Variants in NUP37 observed in about 807,000 individuals in gnomAD.
NUP37 encodes the protein nucleoporin Nup37.
Under a neutral mutation model 45.4 loss-of-function variants are expected in NUP37, and 33 were observed. The ratio of observed to expected loss-of-function variants is 0.73; its 90% CI spans 0.55 to 0.97. The LOEUF (loss-of-function observed/expected upper bound fraction) is 0.97. Among genes scored for constraint, NUP37 ranks in the 50% least tolerant of loss-of-function variants. The pLI is 0.00. For missense variants in NUP37, 365 were observed against 389.7 expected, an observed-to-expected ratio of 0.94 and a Z score of 0.53; for synonymous variants, 127 against 130.7, an observed-to-expected ratio of 0.97 and a Z score of 0.19.
At chr12:102,088,331 C>CT (rs1039914296) in intron 5 of NUP37, among the ~76,000 whole-genome samples, 6 of 151,880 alleles carry the variant, frequency 4.0e-5, no homozygotes, top group African/African-American at 1.2e-4. Flanking sequence ...GAGATAGTCA[C>CT]TTTTTTTTGG....
At position 102,099,205 on chromosome 12, in the gene NUP37, C is replaced by A. The variant is rs1879902158; in HGVS notation, c.355-5G>T. On this transcript the variant is annotated splice_polypyrimidine_tract_variant and splice_region_variant and intron_variant, in intron 4 of 9. Coordinates refer to ENST00000552283, the MANE Select transcript of NUP37 (RefSeq NM_024057.4). The stretch of plus-strand genomic sequence containing the variant: ...ATCGGTATGGCCCTCTAAAACCTGA[C>A]AGAAAGAGAAACAGAAAGCTTAGCA... The A allele has an allele frequency of 4.4e-6, 7 of 1,592,710 alleles. No individual in the cohort carries two copies. The highest frequency in any genetic ancestry group is 5.2e-6 in the Non-Finnish European group (6 of 1,160,884).
chr12:102,080,670 A>C (rs1879307621), intron 6 of NUP37, among the ~76,000 whole-genome samples: 1 of 152,160 alleles, frequency 6.6e-6, no homozygotes, highest in Admixed American at 6.5e-5. Context: ...TAACTTGTAC[A>C]AGGTATCAAC....
Position 102,099,171 on chromosome 12 carries a change from A to G in NUP37, c.384T>C (p.Asn128=). 6.2e-7 allele frequency: 1 copy of G among 1,613,624 alleles called. No homozygotes were observed. The highest frequency in any genetic ancestry group is 8.5e-7 in the Non-Finnish European group (1 of 1,179,526). ...KVLEGHTDFI[N]GLVFDPKEGQ... ...CTTCTTTGGGATCAAACACCAAACC[A>G]TTAATGAAATCGGTATGGCCCTCTA... The change falls in exon 5 of 10, where the codon AAT becomes AAC. Residue 128 remains asparagine, a synonymous_variant. Transcript: ENST00000552283.
chr12:102,080,713 A>C (rs551245350), intron 6 of NUP37, among the ~76,000 whole-genome samples: 2 of 152,212 alleles, frequency 1.3e-5, no homozygotes, highest in Non-Finnish European at 2.9e-5. Context: ...ATTTGAATCC[A>C]GGTCTGTTTA....
chr12:102,102,106 AT>A (rs969956401), intron 3 of NUP37, among the ~76,000 whole-genome samples: 1 of 152,216 alleles, frequency 6.6e-6, no homozygotes, highest in African/African-American at 2.4e-5. Flanking sequence ...TGAGAAAAAA[AT>A]TTAAATTATA....
intron 5 of NUP37, among the ~76,000 whole-genome samples, chr12:102,086,559 T>C (rs1296690617): frequency 6.6e-6 from 1 of 152,220 alleles, no homozygotes; most frequent in African/African-American, 2.4e-5. Flanking sequence ...AGGACCAGGT[T>C]ACTCACCAAC....
At chr12:102,083,219 G>A (rs1879376831) in intron 6 of NUP37, among the ~76,000 whole-genome samples, 1 of 152,174 alleles carries the variant, frequency 6.6e-6, no homozygotes, top group Admixed American at 6.5e-5. Flanking sequence ...GTTTATTGTA[G>A]TTATATATGG....
At chr12:102,101,767 C>T (rs1348174612) in intron 3 of NUP37, among the ~76,000 whole-genome samples, 1 of 152,072 alleles carries the variant, frequency 6.6e-6, no homozygotes, top group Non-Finnish European at 1.5e-5. Flanking sequence ...CTCTGTTGCC[C>T]AGGCTGGAGT....
rs1376630975 is a variant in NUP37, at chr12:102,074,351, A to T, written c.*3T>A. ...TTTGTGAATCTAAGGTACAGAAAAC[A>T]CTTTATACTTCAGTCACCCAAAACA... On this transcript the variant is annotated 3_prime_UTR_variant, in exon 10 of 10. Transcript: ENST00000552283. 6.4e-7 allele frequency: 1 copy of T among 1,572,996 alleles called. No homozygotes were observed. The highest frequency in any genetic ancestry group is 8.7e-7 in the Non-Finnish European group (1 of 1,146,540).
intron 6 of NUP37, among the ~76,000 whole-genome samples, chr12:102,079,604 G>GC (rs1879275943): frequency 6.6e-6 from 1 of 152,088 alleles, no homozygotes; most frequent in African/African-American, 2.4e-5. Context: ...CATGAACAGT[G>GC]CTATAACTCA....
At chr12:102,076,510 A>G (rs1879171779) in intron 8 of NUP37, among the ~76,000 whole-genome samples, 1 of 152,242 alleles carries the variant, frequency 6.6e-6, no homozygotes, top group Non-Finnish European at 1.5e-5. Context: ...CATCCTTAAC[A>G]GCACAGAACA....
intron 2 of NUP37, among the ~76,000 whole-genome samples, chr12:102,112,459 G>T (rs1410525010): frequency 6.6e-6 from 1 of 152,100 alleles, no homozygotes; most frequent in Non-Finnish European, 1.5e-5. Context: ...TGGTAAACAT[G>T]TTCTACTTTA....
intron 8 of NUP37, 108 bp from the exon 9 acceptor site, chr12:102,075,202 G>C (rs1381049804): frequency 1.6e-6 from 1 of 618,088 alleles, no homozygotes; most frequent in Admixed American, 3.2e-5. Flanking sequence ...AAGAGACAGG[G>C]TCTTGCTCTG....
In NUP37 at chr12:102,075,146, A is replaced by G. The variant is rs752009194; in HGVS notation, c.774-52T>C. ...AGTATCGTATCCTATGGATAATGAC[A>G]AGCTTTTCTGAAGCGGGCTTTTTCT... On this transcript the variant is annotated intron_variant, in intron 8 of 9. Transcript: ENST00000552283. The G allele has an allele frequency of 4.3e-6, 5 of 1,159,054 alleles. No individual in the cohort carries two copies. The East Asian group carries it at 1.2e-4, about 29-fold the overall frequency. 71.8% of individuals were successfully genotyped at this position (1,159,054 alleles called of 1,614,324 possible).
intron 3 of NUP37, among the ~76,000 whole-genome samples, 153 bp from the exon 4 acceptor site, chr12:102,101,257 C>G (rs776730778): frequency 5.9e-4 from 89 of 152,024 alleles, no homozygotes; most frequent in Non-Finnish European, 1.0e-3. Context: ...TGTTGTGGCT[C>G]TACTGTAAAA....
At chr12:102,074,960 A>C in intron 9 of NUP37, 41 bp downstream of exon 9, 1 of 1,308,062 alleles carries the variant, frequency 7.6e-7, no homozygotes, top group Non-Finnish European at 1.0e-6. Flanking sequence ...ACAAATTAAA[A>C]AAAAAAAAAG....
intron 3 of NUP37, among the ~76,000 whole-genome samples, chr12:102,107,316 A>G (rs1010585687): frequency 4.6e-5 from 7 of 152,216 alleles, no homozygotes; most frequent in Admixed American, 2.0e-4. Context: ...TTTTGATATC[A>G]GAACTTTGCC....
At chr12:102,115,204 TAC>T (rs1166164421) in intron 2 of NUP37, among the ~76,000 whole-genome samples, 13 of 152,340 alleles carry the variant, frequency 8.5e-5, no homozygotes, top group African/African-American at 3.1e-4. Context: ...TGCTGAGAAC[TAC>T]AGAGTATTAT....
At position 102,099,088 on chromosome 12, in the gene NUP37, A is replaced by G. The variant is rs1879898000; in HGVS notation, c.449+18T>C. The G allele has an allele frequency of 8.5e-6, 13 of 1,535,356 alleles. No homozygotes were observed. The highest frequency in any genetic ancestry group is 2.2e-5 in the East Asian group (1 of 44,548). On this transcript the variant is annotated intron_variant, in intron 5 of 9. Transcript: ENST00000552283. Reference sequence around the variant, plus strand: ...AAAATGGCAATTTAAAAATGTGGTTATAACATAAGCAACATACCTGCAGGT... The same window carrying G: ...AAAATGGCAATTTAAAAATGTGGTTGTAACATAAGCAACATACCTGCAGGT...
Sources: gnomAD v4.1 joint callset for allele counts (sites outside exome capture counted in the v4.1 genomes callset) on GRCh38, gnomAD v4.1.1 for gene constraint, MANE v1.5 for transcripts, NCBI Gene and HGNC (gene_info 2026-07-23, HGNC 2026-07-21) for gene names.